PRKN: variants seen among roughly 807,000 people sequenced by gnomAD.
PRKN encodes E3 ubiquitin-protein ligase parkin.
In PRKN, 56 loss-of-function variants were observed where a neutral mutation model predicts 59.5. The ratio of observed to expected loss-of-function variants is 0.94; its 90% CI spans 0.76 to 1.18. The LOEUF is 1.18. Ranked by LOEUF, PRKN falls within the 50% of genes most tolerant of loss-of-function variation. The pLI, the probability that PRKN is intolerant of heterozygous loss-of-function variation, is 0.00. For synonymous variants in PRKN, 250 were observed against 222.1 expected, an observed-to-expected ratio of 1.13 and a Z score of -1.12; for missense variants, 657 against 596.4, an observed-to-expected ratio of 1.10 and a Z score of -1.06.
chr6:161,950,825 C>A (rs1390142990), intron 6 of PRKN, among the ~76,000 whole-genome samples: 1 of 151,708 alleles, frequency 6.6e-6, no homozygotes, highest in Non-Finnish European at 1.5e-5. Flanking sequence ...GAAAATTGTA[C>A]TGCGTCTTCG....
chr6:161,458,366 G>A lies in PRKN; in HGVS notation c.1084-71489C>T, dbSNP rs566607826. ...ATCCAGCATCTCGGGTGCCTGGTGTGATCGACCATAAGTGCAGCTGATGCA... is the reference window on the plus strand; with the variant it reads ...ATCCAGCATCTCGGGTGCCTGGTGTAATCGACCATAAGTGCAGCTGATGCA... On this transcript the variant is annotated intron_variant, in intron 9 of 11. Transcript: ENST00000366898. The surrounding 1 kb of genome is among the most constrained non-coding windows in gnomAD (Gnocchi z 6.1). 1.6e-4 allele frequency among the ~76,000 whole-genome samples: 24 copies of A among 152,252 alleles called. No homozygotes were observed. The highest frequency in any genetic ancestry group is 5.5e-4 in the African/African-American group (23 of 41,538).
At chr6:162,087,883 C>T (rs928838249) in intron 4 of PRKN, among the ~76,000 whole-genome samples, 1 of 152,110 alleles carries the variant, frequency 6.6e-6, no homozygotes, top group Non-Finnish European at 1.5e-5. Context: ...TGAGTCACTG[C>T]GCCCGGCCAA....
At chr6:161,923,526 A>C (rs1169932732) in intron 6 of PRKN, among the ~76,000 whole-genome samples, 1 of 152,156 alleles carries the variant, frequency 6.6e-6, no homozygotes, top group Non-Finnish European at 1.5e-5. Flanking sequence ...ACTCATAAAA[A>C]GTTATTAAAA....
intron 1 of PRKN, among the ~76,000 whole-genome samples, chr6:162,578,835 T>A (rs1780666317): frequency 6.6e-6 from 1 of 152,176 alleles, no homozygotes; most frequent in African/African-American, 2.4e-5. Flanking sequence ...AAAAATCCCA[T>A]TTAAGTCTAA....
At position 162,499,448 on chromosome 6, in the gene PRKN, G is replaced by A. The variant is rs147089722; in HGVS notation, c.8-55975C>T. ...CTTGTCCACTAGACTCTTGCAGGCC[G>A]TATGATACTCTTATCTGCATGCCCA... On this transcript the variant is annotated intron_variant, in intron 1 of 11. Coordinates refer to ENST00000366898, the MANE Select transcript of PRKN (RefSeq NM_004562.3). Among the ~76,000 whole-genome samples, 20 of 152,202 alleles carry A rather than the reference G, an allele frequency of 1.3e-4. No individual in the cohort carries two copies. The East Asian group carries it at 2.5e-3, about 19-fold the overall frequency.
intron 1 of PRKN, among the ~76,000 whole-genome samples, chr6:162,541,468 T>C (rs1379059177): frequency 6.6e-6 from 1 of 152,178 alleles, no homozygotes; most frequent in Non-Finnish European, 1.5e-5. Flanking sequence ...GCTGCTGGGA[T>C]GGATGGCCCT....
chr6:162,103,022 G>A (rs1260328984), intron 4 of PRKN, among the ~76,000 whole-genome samples: 8 of 132,258 alleles, frequency 6.0e-5, no homozygotes, highest in Admixed American at 2.5e-4. Flanking sequence ...CAGCCTGGGC[G>A]AAAGAGCGAG....
intron 1 of PRKN, among the ~76,000 whole-genome samples, chr6:162,638,824 A>C (rs997004435): frequency 3.3e-4 from 46 of 140,584 alleles, no homozygotes; most frequent in Non-Finnish European, 4.6e-4. Flanking sequence ...GGCTCACTGC[A>C]ACCTCTGCCT....
In PRKN at chr6:161,475,951, C is replaced by T. The variant is rs542514917; in HGVS notation, c.1083+72903G>A. ...CCTGTAATCCCAGCATTTTGGGAGG[C>T]CAAGGTGGGCGGATCACGAGGTCAG... On this transcript the variant is annotated intron_variant, in intron 9 of 11. Coordinates refer to ENST00000366898, the MANE Select transcript of PRKN (RefSeq NM_004562.3). This position sits in a 1 kb window ranked among gnomAD's most constrained non-coding sequence, Gnocchi z 5.3. Among the ~76,000 whole-genome samples, 4 of 152,040 alleles carry T rather than the reference C, an allele frequency of 2.6e-5. No individual in the cohort carries two copies. The highest frequency in any genetic ancestry group is 4.4e-5 in the Non-Finnish European group (3 of 67,992).
In PRKN at chr6:162,556,346, T is replaced by G. The variant is rs141023111; in HGVS notation, c.8-112873A>C. ...CCAAGCAGTAACTACTCAGCTGGTG[T>G]GTGTGTGTGTGTGTGTGTGTGTGTG... On this transcript the variant is annotated intron_variant, in intron 1 of 11. Transcript: ENST00000366898. Among the ~76,000 whole-genome samples, 152 of 48,626 alleles carry G rather than the reference T, an allele frequency of 3.1e-3. 1 individual carries two copies. Among genetic ancestry groups the G allele is most frequent in the South Asian group, 9.1e-3 (8 of 876 alleles). 31.9% of individuals were successfully genotyped at this position (48,626 alleles called of 152,430 possible).
At chr6:162,152,433 C>G (rs910588693) in intron 4 of PRKN, among the ~76,000 whole-genome samples, 5 of 152,196 alleles carry the variant, frequency 3.3e-5, no homozygotes, top group African/African-American at 1.2e-4. Flanking sequence ...ATCTAACTGG[C>G]CCGCTATCAT....
chr6:161,775,317 A>G (rs112310907), intron 7 of PRKN, among the ~76,000 whole-genome samples: 7,119 of 151,992 alleles, frequency 0.047, 537 homozygotes, highest in African/African-American at 0.16. Context: ...ATCATGGCTC[A>G]CTGCAACCTC....
chr6:161,379,710 C>A lies in PRKN; in HGVS notation c.1167+7084G>T, dbSNP rs1785885021. On this transcript the variant is annotated intron_variant, in intron 10 of 11. Transcript: ENST00000366898. The surrounding 1 kb of genome is among the most constrained non-coding windows in gnomAD (Gnocchi z 4.9). The stretch of plus-strand genomic sequence containing the variant: ...CTGACCACTCTGTGTCCATGCACAA[C>A]AACTCAGAAGGCTCATCCAGCTCCA... Among the ~76,000 whole-genome samples, 1 of 152,232 alleles carries A rather than the reference C, an allele frequency of 6.6e-6. No individual in the cohort carries two copies. Among genetic ancestry groups the A allele is most frequent in the African/African-American group, 2.4e-5 (1 of 41,470 alleles).
intron 1 of PRKN, among the ~76,000 whole-genome samples, chr6:162,560,280 T>C (rs1365595444): frequency 6.6e-6 from 1 of 152,216 alleles, no homozygotes; most frequent in East Asian, 1.9e-4. Context: ...GTAGAAATAA[T>C]ACACATGCTT....
chr6:161,622,452 T>C (rs140091144), intron 7 of PRKN, among the ~76,000 whole-genome samples: 3 of 152,202 alleles, frequency 2.0e-5, no homozygotes, highest in Non-Finnish European at 2.9e-5. Context: ...CCAGGCATTC[T>C]CTACCTGAAG....
intron 2 of PRKN, among the ~76,000 whole-genome samples, chr6:162,375,091 T>C (rs1785988963): frequency 6.6e-6 from 1 of 152,156 alleles, no homozygotes; most frequent in African/African-American, 2.4e-5. Context: ...GTCTTTGTAG[T>C]AGAATTTCTT....
At chr6:162,579,208 T>TA (rs1426397006) in intron 1 of PRKN, among the ~76,000 whole-genome samples, 1 of 152,194 alleles carries the variant, frequency 6.6e-6, no homozygotes. Context: ...ATCTGTCACT[T>TA]AGTTTCAAGA....
chr6:162,062,408 G>C (rs866417363), intron 4 of PRKN, among the ~76,000 whole-genome samples: 1 of 152,084 alleles, frequency 6.6e-6, no homozygotes, highest in South Asian at 2.1e-4. Context: ...AACACATAAG[G>C]GTTATTTTGG....
chr6:162,183,081 A>C (rs1382389559), intron 4 of PRKN, among the ~76,000 whole-genome samples: 1 of 152,194 alleles, frequency 6.6e-6, no homozygotes, highest in Non-Finnish European at 1.5e-5. Flanking sequence ...TTGACAAAAT[A>C]ACATTTTCCA....
Sources: gnomAD v4.1 joint callset for allele counts (sites outside exome capture counted in the v4.1 genomes callset) on GRCh38, gnomAD v4.1.1 for gene constraint, Gnocchi (gnomAD v3.1) non-coding constraint, MANE v1.5 for transcripts, NCBI Gene and HGNC (gene_info 2026-07-23, HGNC 2026-07-21) for gene names.